UBL3: variants seen among roughly 807,000 people sequenced by gnomAD.
UBL3 encodes the protein ubiquitin-like protein 3.
Under a neutral mutation model 18.4 loss-of-function variants are expected in UBL3, and 6 were observed. The observed-to-expected ratio is 0.33, with a 90% confidence interval of 0.18 to 0.64. The LOEUF (loss-of-function observed/expected upper bound fraction) is 0.64, where lower values mean the gene tolerates loss of function less well. Ranked by LOEUF, UBL3 falls within the 30% of genes least tolerant of loss-of-function variation. The pLI, the probability that UBL3 is intolerant of heterozygous loss-of-function variation, is 0.76. For missense variants in UBL3, 109 were observed against 142.9 expected (o/e 0.76, Z 1.21); for synonymous variants, 49 against 46.6 (o/e 1.05, Z -0.21).
In UBL3 at chr13:29,849,590, A is replaced by G; in HGVS notation, c.-52T>C. On this transcript the variant is annotated 5_prime_UTR_variant, in exon 1 of 5. Transcript: ENST00000380680. Reference sequence around the variant, plus strand: ...TTTACGAAAAAAACAAACAAAGAAAAAAGAGCAGAAGTCTTCACGTTACAG... The same window carrying G: ...TTTACGAAAAAAACAAACAAAGAAAGAAGAGCAGAAGTCTTCACGTTACAG... 6.2e-7 allele frequency: 1 copy of G among 1,607,528 alleles called. No homozygotes were observed. Among genetic ancestry groups the G allele is most frequent in the Non-Finnish European group, 8.5e-7 (1 of 1,176,346 alleles).
rs367554857 is a variant in UBL3, at chr13:29,798,183, C to T, written c.28-20920G>A. On this transcript the variant is annotated intron_variant, in intron 1 of 4. Transcript: ENST00000380680. ...TAGATTACAGGCACCCATCCCCATG[C>T]TCAGCTAATTTTTTGTATTTTTAGT... 2.2e-3 allele frequency among the ~76,000 whole-genome samples: 342 copies of T among 152,112 alleles called. 2 individuals are homozygous for T. Among genetic ancestry groups the T allele is most frequent in the African/African-American group, 8.0e-3 (333 of 41,510 alleles).
chr13:29,840,444 G>C (rs1566002387), intron 1 of UBL3, among the ~76,000 whole-genome samples: 1 of 152,262 alleles, frequency 6.6e-6, no homozygotes, highest in East Asian at 1.9e-4. Context: ...TTCTTCCAGA[G>C]TATTAAAAAG....
chr13:29,810,927 A>C (rs1345403341), intron 1 of UBL3, among the ~76,000 whole-genome samples: 1 of 152,094 alleles, frequency 6.6e-6, no homozygotes, highest in Non-Finnish European at 1.5e-5. Flanking sequence ...CTTTACAATA[A>C]AGACCTGGAA....
rs189121328 is a variant in UBL3, at chr13:29,771,208, G to A, written c.223+904C>T. 2.2e-4 allele frequency among the ~76,000 whole-genome samples: 34 copies of A among 152,018 alleles called. No individual in the cohort carries two copies. In the East Asian group the frequency reaches 5.6e-3, roughly 25 times the overall value. Reference sequence around the variant, plus strand: ...TAAGGAAAAATAGATTAAATATTAGGTTTAGAGGAAAAACTCAGACTATAT... The same window carrying A: ...TAAGGAAAAATAGATTAAATATTAGATTTAGAGGAAAAACTCAGACTATAT... On this transcript the variant is annotated intron_variant, in intron 3 of 4. Coordinates refer to ENST00000380680, the MANE Select transcript of UBL3 (RefSeq NM_007106.4).
intron 1 of UBL3, among the ~76,000 whole-genome samples, chr13:29,780,340 C>A (rs1270870233): frequency 2.3e-5 from 2 of 86,954 alleles, no homozygotes; most frequent in Non-Finnish European, 4.3e-5. Flanking sequence ...GGCGACAGAG[C>A]GAGACTCTGT....
intron 3 of UBL3, 106 bp downstream of exon 3, chr13:29,772,006 G>A: frequency 1.0e-6 from 1 of 989,994 alleles, no homozygotes; most frequent in Non-Finnish European, 1.5e-6. Context: ...TTCATAGTTT[G>A]AATTTATCAT....
In UBL3 at chr13:29,766,500, C is replaced by G. The variant is rs1245620183; in HGVS notation, c.*755G>C. 1 of 152,508 alleles carries G rather than the reference C, an allele frequency of 6.6e-6. No individual in the cohort carries two copies. The highest frequency in any genetic ancestry group is 1.5e-5 in the Non-Finnish European group (1 of 67,980). The allele number at this position is 152,508 out of a possible 1,614,324, so 9.4% of individuals were successfully genotyped here. On this transcript the variant is annotated 3_prime_UTR_variant, in exon 5 of 5. Coordinates refer to ENST00000380680, the MANE Select transcript of UBL3 (RefSeq NM_007106.4). ...CTGAAACTACCCTCCCACATTAAGG[C>G]TAGGAGACGCACTCTCACCCCTTCT... is the stretch of plus-strand genomic sequence containing the variant.
chr13:29,796,926 A>G (rs142678440), intron 1 of UBL3, among the ~76,000 whole-genome samples: 223 of 152,330 alleles, frequency 1.5e-3, no homozygotes, highest in African/African-American at 5.3e-3. Context: ...ATTTAGAAAA[A>G]TAACAGGAAG....
At chr13:29,769,223 T>C (rs4611301) in intron 3 of UBL3, among the ~76,000 whole-genome samples, 136,386 of 152,104 alleles carry the variant, frequency 0.9, 61,344 homozygotes, top group East Asian at 0.97. Context: ...AACTGAGATA[T>C]ATATGTAAAA....
chr13:29,833,151 G>C (rs1421361573), intron 1 of UBL3, among the ~76,000 whole-genome samples: 2 of 152,128 alleles, frequency 1.3e-5, no homozygotes, highest in Non-Finnish European at 2.9e-5. Flanking sequence ...GGATTAGCAT[G>C]TGAGTGATAG....
At position 29,775,675 on chromosome 13, in the gene UBL3, G is replaced by A. The variant is rs573207196; in HGVS notation, c.136+1480C>T. Among the ~76,000 whole-genome samples, 7 of 152,210 alleles carry A rather than the reference G, an allele frequency of 4.6e-5. 1 individual carries two copies. The highest frequency in any genetic ancestry group is 1.9e-4 in the East Asian group (1 of 5,168). On this transcript the variant is annotated intron_variant, in intron 2 of 4. Coordinates refer to ENST00000380680, the MANE Select transcript of UBL3 (RefSeq NM_007106.4). ...CTGTCACCCAGGCGGGAGTACAGAC[G>A]CATAATGTCAGCTCACTGCAAGCTC...
intron 1 of UBL3, among the ~76,000 whole-genome samples, chr13:29,803,901 A>G (rs1877835544): frequency 6.6e-6 from 1 of 152,060 alleles, no homozygotes; most frequent in South Asian, 2.1e-4. Context: ...ATTAGCAAAG[A>G]TTTTCAAGAC....
rs943615110 is a variant in UBL3, at chr13:29,824,691, G to T, written c.27+24821C>A. ...CTCTGGTGGTAGTTTCTTTTGCTGT[G>T]CAGAAGCTCTTTAGTTTAATTAGAT... is the stretch of plus-strand genomic sequence containing the variant. On this transcript the variant is annotated intron_variant, in intron 1 of 4. Transcript: ENST00000380680. Among the ~76,000 whole-genome samples, 4 of 152,162 alleles carry T rather than the reference G, an allele frequency of 2.6e-5. No individual in the cohort carries two copies. The South Asian group carries it at 8.3e-4, about 32-fold the overall frequency.
Position 29,849,747 on chromosome 13 carries a change from G to T in UBL3, c.-209C>A. 1 of 642,792 alleles carries T rather than the reference G, an allele frequency of 1.6e-6. No homozygotes were observed. 39.8% of individuals were successfully genotyped at this position (642,792 alleles called of 1,614,324 possible). A position where few individuals can be genotyped will look rare whatever the true frequency, so the allele number is the denominator to read the frequency against. The stretch of plus-strand genomic sequence containing the variant: ...ACAATCCCCAGGAGCTGTGTGGCCG[G>T]AGCAGGAGGAAACTCCCGGGACAGC... On this transcript the variant is annotated 5_prime_UTR_variant, in exon 1 of 5. Transcript: ENST00000380680.
rs1008833970 is a variant in UBL3, at chr13:29,849,692, G to C, written c.-154C>G. On this transcript the variant is annotated 5_prime_UTR_variant, in exon 1 of 5. Coordinates refer to ENST00000380680, the MANE Select transcript of UBL3 (RefSeq NM_007106.4). The stretch of plus-strand genomic sequence containing the variant: ...AAAGTTATTTTGGAGCCAAAGTGCC[G>C]GTCAGGCCGAGGTTCTGGTTCGAAG... The C allele has an allele frequency of 3.0e-6, 3 of 994,300 alleles. No homozygotes were observed. The highest frequency in any genetic ancestry group is 2.2e-5 in the Admixed American group (1 of 46,226). 61.6% of individuals were successfully genotyped at this position (994,300 alleles called of 1,614,324 possible).
At chr13:29,806,558 G>A (rs1877903658) in intron 1 of UBL3, among the ~76,000 whole-genome samples, 1 of 152,156 alleles carries the variant, frequency 6.6e-6, no homozygotes, top group South Asian at 2.1e-4. Flanking sequence ...GTAGGGCTGG[G>A]GGGCAGGGAG....
At chr13:29,784,538 G>C (rs1379269619) in intron 1 of UBL3, among the ~76,000 whole-genome samples, 1 of 150,824 alleles carries the variant, frequency 6.6e-6, no homozygotes, top group African/African-American at 2.4e-5. Context: ...CAGTGGGAAA[G>C]GTATTAGACC....
chr13:29,787,199 A>T (rs1345986566), intron 1 of UBL3, among the ~76,000 whole-genome samples: 1 of 152,150 alleles, frequency 6.6e-6, no homozygotes, highest in African/African-American at 2.4e-5. Flanking sequence ...GTGAAGAAAC[A>T]AAGAAAACTT....
chr13:29,803,428 A>G (rs532678760), intron 1 of UBL3, among the ~76,000 whole-genome samples: 2 of 152,218 alleles, frequency 1.3e-5, no homozygotes, highest in Non-Finnish European at 2.9e-5. Context: ...AAATCCACAC[A>G]TATCAATATT....
Sources: gnomAD v4.1 joint callset for allele counts (sites outside exome capture counted in the v4.1 genomes callset) on GRCh38, gnomAD v4.1.1 for gene constraint, MANE v1.5 for transcripts, NCBI Gene and HGNC (gene_info 2026-07-23, HGNC 2026-07-21) for gene names.